The following MDFIC variants were observed in gnomAD, a reference collection of about 807,000 sequenced individuals.
The protein encoded by MDFIC is MyoD family inhibitor domain containing, also known as myoD family inhibitor domain-containing protein.
Under a neutral mutation model 23.2 loss-of-function variants are expected in MDFIC, and 17 were observed. That is an observed-to-expected ratio of 0.73 (90% CI 0.50 to 1.10). MDFIC has a LOEUF of 1.10. Ranked by LOEUF, MDFIC falls within the 50% of genes least tolerant of loss-of-function variation. The probability of loss-of-function intolerance (pLI) is 0.00; values close to 1 mark genes in which losing one functional copy is unlikely to be tolerated. For missense variants in MDFIC, 356 were observed against 316.6 expected (o/e 1.12, Z -0.95); for synonymous variants, 120 against 115.2 (o/e 1.04, Z -0.27).
intron 2 of MDFIC, among the ~76,000 whole-genome samples, chr7:114,930,933 G>A (rs1434856282): frequency 1.3e-5 from 2 of 152,230 alleles, no homozygotes; most frequent in African/African-American, 2.4e-5. Flanking sequence ...CTAGATTTTG[G>A]ACAATTTAAC....
In MDFIC at chr7:114,967,363, G is replaced by A. The variant is rs183368964; in HGVS notation, c.218-12143G>A. On this transcript the variant is annotated intron_variant, in intron 3 of 4. Coordinates refer to ENST00000393486, the MANE Select transcript of MDFIC (RefSeq NM_001166345.3). Reference sequence around the variant, plus strand: ...ATTTTTAGAAAAAGACATTAAGGGAGAATGCCCCCTCTTTTCAAGGCTTGA... The same window carrying A: ...ATTTTTAGAAAAAGACATTAAGGGAAAATGCCCCCTCTTTTCAAGGCTTGA... Among the ~76,000 whole-genome samples, 9 of 152,320 alleles carry A rather than the reference G, an allele frequency of 5.9e-5. No homozygotes were observed. In the East Asian group the frequency reaches 1.7e-3, roughly 29 times the overall value.
chr7:114,985,554 G>T lies in MDFIC; in HGVS notation c.493+5773G>T, dbSNP rs548979308. 5.9e-4 allele frequency among the ~76,000 whole-genome samples: 89 copies of T among 151,806 alleles called. 2 individuals carry two copies. Among genetic ancestry groups the T allele is most frequent in the African/African-American group, 1.8e-3 (76 of 41,370 alleles). ...TTAGATAAGTAAACATGTGTCATGG[G>T]GGTTTGTTGTACAGATTATTTCATC... is the stretch of plus-strand genomic sequence containing the variant. On this transcript the variant is annotated intron_variant, in intron 4 of 4. Transcript: ENST00000393486.
chr7:114,998,548 T>A (rs543083226), intron 4 of MDFIC, among the ~76,000 whole-genome samples: 1 of 152,314 alleles, frequency 6.6e-6, no homozygotes, highest in East Asian at 1.9e-4. Context: ...ATCTAGAGAA[T>A]GGAGAGCATT....
chr7:114,999,992 T>C (rs1358855283), intron 4 of MDFIC, among the ~76,000 whole-genome samples: 2 of 152,144 alleles, frequency 1.3e-5, no homozygotes, highest in African/African-American at 4.8e-5. Context: ...AAAATAGTAT[T>C]TATCAGATCA....
At chr7:114,979,047 G>A (rs377305351) in intron 3 of MDFIC, among the ~76,000 whole-genome samples, 1 of 151,852 alleles carries the variant, frequency 6.6e-6, no homozygotes, top group African/African-American at 2.4e-5. Flanking sequence ...GTATTGTCTG[G>A]CTTTGAATAC....
At chr7:114,970,664 G>C (rs1038951465) in intron 3 of MDFIC, among the ~76,000 whole-genome samples, 2 of 152,138 alleles carry the variant, frequency 1.3e-5, no homozygotes, top group Non-Finnish European at 2.9e-5. Context: ...GCAGTGAGTG[G>C]GGAAGGCACT....
At chr7:114,965,200 T>C (rs1316895028) in intron 3 of MDFIC, among the ~76,000 whole-genome samples, 2 of 152,138 alleles carry the variant, frequency 1.3e-5, no homozygotes, top group African/African-American at 2.4e-5. Context: ...CATGAAAAGA[T>C]TGTGGTAAGT....
At chr7:114,954,569 G>A (rs944772340) in intron 3 of MDFIC, among the ~76,000 whole-genome samples, 1 of 152,154 alleles carries the variant, frequency 6.6e-6, no homozygotes, top group Non-Finnish European at 1.5e-5. Context: ...TCAGTTTTTA[G>A]TTGGTTTCCA....
At chr7:114,926,391 T>A (rs1450612865) in intron 2 of MDFIC, among the ~76,000 whole-genome samples, 1 of 152,238 alleles carries the variant, frequency 6.6e-6, no homozygotes, top group Non-Finnish European at 1.5e-5. Context: ...GTCATTGTGA[T>A]AAATGCAGTT....
chr7:114,946,712 C>A (rs746514129), intron 3 of MDFIC, among the ~76,000 whole-genome samples: 2 of 152,080 alleles, frequency 1.3e-5, no homozygotes, highest in Non-Finnish European at 2.9e-5. Context: ...GGCAGTAGAA[C>A]GCAAGCTCTT....
intron 2 of MDFIC, among the ~76,000 whole-genome samples, chr7:114,933,520 G>A (rs1792368670): frequency 6.6e-6 from 1 of 152,148 alleles, no homozygotes; most frequent in Admixed American, 6.5e-5. Context: ...GCCTCTCAAA[G>A]TGCTGGGATT....
chr7:114,948,284 T>C (rs1792690679), intron 3 of MDFIC, among the ~76,000 whole-genome samples: 1 of 152,228 alleles, frequency 6.6e-6, no homozygotes, highest in Admixed American at 6.5e-5. Context: ...TTGAAGTATG[T>C]ATAGATGACT....
chr7:114,942,479 T>A, intron 3 of MDFIC, 82 bp downstream of exon 3: 1 of 1,105,724 alleles, frequency 9.0e-7, no homozygotes, highest in Non-Finnish European at 1.2e-6. Context: ...CCCAGATAAT[T>A]CTGCTACAAA....
At chr7:114,933,583 T>C (rs1464444111) in intron 2 of MDFIC, among the ~76,000 whole-genome samples, 2 of 152,176 alleles carry the variant, frequency 1.3e-5, no homozygotes, top group African/African-American at 4.8e-5. Context: ...ATGGAGTTAA[T>C]AGACTGCCAG....
At chr7:114,971,115 A>G (rs539063767) in intron 3 of MDFIC, among the ~76,000 whole-genome samples, 2 of 152,294 alleles carry the variant, frequency 1.3e-5, no homozygotes, top group African/African-American at 2.4e-5. Context: ...AATGAAGTGT[A>G]TTGTTTTGTT....
intron 4 of MDFIC, among the ~76,000 whole-genome samples, chr7:114,997,906 C>T (rs1204529824): frequency 6.6e-6 from 1 of 152,170 alleles, no homozygotes; most frequent in African/African-American, 2.4e-5. Flanking sequence ...GTGTCTTACA[C>T]ATATGAGGCA....
intron 3 of MDFIC, among the ~76,000 whole-genome samples, chr7:114,952,477 C>T (rs1185050854): frequency 6.6e-6 from 1 of 151,982 alleles, no homozygotes; most frequent in East Asian, 1.9e-4. Flanking sequence ...CACAGTTTTC[C>T]ACCAAAAGCT....
intron 3 of MDFIC, among the ~76,000 whole-genome samples, chr7:114,977,484 A>C (rs1585110612): frequency 2.0e-5 from 3 of 152,196 alleles, no homozygotes; most frequent in Admixed American, 2.0e-4. Flanking sequence ...CCCTGTGTTG[A>C]GAGGCTCCAC....
At chr7:114,939,914 T>TAA (rs775658421) in intron 2 of MDFIC, among the ~76,000 whole-genome samples, 34 of 152,320 alleles carry the variant, frequency 2.2e-4, no homozygotes, top group Admixed American at 1.8e-3. Flanking sequence ...GTCAGCTACA[T>TAA]AACAATGGCA....
Sources: allele counts gnomAD v4.1 joint callset (sites outside exome capture counted in the v4.1 genomes callset), GRCh38; gene constraint gnomAD v4.1.1; transcripts MANE v1.5; gene names NCBI Gene and HGNC (gene_info 2026-07-23, HGNC 2026-07-21).